EXOC4: variants seen among roughly 807,000 people sequenced by gnomAD.
EXOC4 encodes the protein exocyst complex component 4, also known as SEC8-like 1.
A neutral mutation model predicts 107.2 loss-of-function variants in EXOC4; 71 were observed. That is an observed-to-expected ratio of 0.66 (90% CI 0.55 to 0.81). EXOC4 has a LOEUF of 0.81. EXOC4 is among the 30% of genes least tolerant of loss of function. EXOC4 has a pLI of 0.00. For missense variants in EXOC4, 1,108 were observed against 1,189.6 expected (o/e 0.93, Z 1.01); for synonymous variants, 456 against 441.2 (o/e 1.03, Z -0.42).
chr7:133,700,698 A>G lies in EXOC4; in HGVS notation c.1514+70557A>G, dbSNP rs146052251. Among the ~76,000 whole-genome samples the G allele has an allele frequency of 6.6e-5, 10 of 152,302 alleles. 1 individual carries two copies. The East Asian group carries it at 1.7e-3, about 26-fold the overall frequency. On this transcript the variant is annotated intron_variant, in intron 10 of 17. Coordinates refer to ENST00000253861, the MANE Select transcript of EXOC4 (RefSeq NM_021807.4). ...CAAATTCATTTACTTTACTGGATTT[A>G]TGTTTTTATTAGCTGAAGGAGGTTG...
At chr7:133,646,179 A>G (rs1802987259) in intron 10 of EXOC4, among the ~76,000 whole-genome samples, 1 of 152,214 alleles carries the variant, frequency 6.6e-6, no homozygotes, top group Admixed American at 6.5e-5. Flanking sequence ...ACTGAACATC[A>G]CAAAGGCTGT....
chr7:133,270,024 A>G (rs1402965936), intron 1 of EXOC4, among the ~76,000 whole-genome samples: 1 of 152,146 alleles, frequency 6.6e-6, no homozygotes, highest in Non-Finnish European at 1.5e-5. Flanking sequence ...TCGTGGGAGC[A>G]ACTCAGTAGG....
At chr7:133,965,131 T>C (rs1280730001) in intron 14 of EXOC4, among the ~76,000 whole-genome samples, 2 of 152,262 alleles carry the variant, frequency 1.3e-5, no homozygotes. Flanking sequence ...ATGTCTTCTT[T>C]TGAGAAGTGT....
intron 9 of EXOC4, among the ~76,000 whole-genome samples, chr7:133,498,460 C>G (rs1391075505): frequency 6.6e-6 from 1 of 152,140 alleles, no homozygotes; most frequent in Non-Finnish European, 1.5e-5. Context: ...TGGCAGGCAC[C>G]TGTAGTCCCA....
At chr7:133,979,212 A>G (rs964811769) in intron 14 of EXOC4, among the ~76,000 whole-genome samples, 1 of 152,094 alleles carries the variant, frequency 6.6e-6, no homozygotes, top group Non-Finnish European at 1.5e-5. Flanking sequence ...CACAATTTCT[A>G]TCATTTGAGG....
At chr7:133,739,635 T>G (rs1304535584) in intron 10 of EXOC4, among the ~76,000 whole-genome samples, 1 of 152,174 alleles carries the variant, frequency 6.6e-6, no homozygotes, top group African/African-American at 2.4e-5. Context: ...AGCTGCTGAG[T>G]GTCTAAAACA....
chr7:133,843,368 C>T lies in EXOC4; in HGVS notation c.1734+25824C>T, dbSNP rs114364663. ...TTGTGCAGTGTTTTGTGACTTTCAT[C>T]GTAGAGATCCTTTACCTCCCTGGTT... On this transcript the variant is annotated intron_variant, in intron 11 of 17. Coordinates refer to ENST00000253861, the MANE Select transcript of EXOC4 (RefSeq NM_021807.4). Among the ~76,000 whole-genome samples the T allele has an allele frequency of 2.4e-3, 369 of 152,106 alleles. 5 individuals are homozygous for T. Among genetic ancestry groups the T allele is most frequent in the African/African-American group, 8.2e-3 (340 of 41,492 alleles).
Position 133,697,944 on chromosome 7 carries a change from G to A in EXOC4, c.1514+67803G>A, listed in dbSNP as rs530812722. ...ACCCAATGTCTGCTTACTCAGAAAG[G>A]ACTCAGAGGAGGCTGGCTCAAGTTT... is the stretch of plus-strand genomic sequence containing the variant. On this transcript the variant is annotated intron_variant, in intron 10 of 17. Coordinates refer to ENST00000253861, the MANE Select transcript of EXOC4 (RefSeq NM_021807.4). Among the ~76,000 whole-genome samples, 75 of 152,294 alleles carry A rather than the reference G, an allele frequency of 4.9e-4. 3 individuals are homozygous for A. The South Asian group carries it at 0.015, about 31-fold the overall frequency.
At chr7:133,732,428 C>A (rs1795347799) in intron 10 of EXOC4, 1 of 152,322 alleles carries the variant, frequency 6.6e-6, no homozygotes, top group Non-Finnish European at 1.5e-5. Flanking sequence ...ATGTAACCAA[C>A]CTGCACATTC....
chr7:133,775,957 T>A (rs2151167292), intron 10 of EXOC4, among the ~76,000 whole-genome samples: 1 of 152,322 alleles, frequency 6.6e-6, no homozygotes, highest in East Asian at 1.9e-4. Context: ...TAGAAGGAAT[T>A]GCATCTATCT....
At chr7:134,015,536 A>G (rs1287876292) in intron 17 of EXOC4, among the ~76,000 whole-genome samples, 3 of 152,178 alleles carry the variant, frequency 2.0e-5, no homozygotes. Context: ...GATTTGAGGA[A>G]GATAAAACTG....
chr7:133,799,771 G>A (rs1161709621), intron 10 of EXOC4, among the ~76,000 whole-genome samples: 1 of 152,176 alleles, frequency 6.6e-6, no homozygotes, highest in Non-Finnish European at 1.5e-5. Flanking sequence ...TATAGGGTGG[G>A]TAGTGAAGTA....
intron 11 of EXOC4, among the ~76,000 whole-genome samples, chr7:133,825,176 A>G (rs570577495): frequency 1.8e-4 from 28 of 151,432 alleles, no homozygotes; most frequent in Non-Finnish European, 2.9e-4. Context: ...ATAGCAAGCA[A>G]CTGTCTCTAA....
At chr7:133,872,210 T>A (rs1450855044) in intron 11 of EXOC4, among the ~76,000 whole-genome samples, 1 of 152,166 alleles carries the variant, frequency 6.6e-6, no homozygotes, top group Non-Finnish European at 1.5e-5. Flanking sequence ...AATATTAGCT[T>A]TTAGTATTTT....
chr7:133,763,964 A>G (rs1796085809), intron 10 of EXOC4, among the ~76,000 whole-genome samples: 1 of 152,084 alleles, frequency 6.6e-6, no homozygotes, highest in Non-Finnish European at 1.5e-5. Context: ...TTTTGTAGCC[A>G]TAAAAAATAA....
At chr7:133,382,959 G>A (rs550721976) in intron 7 of EXOC4, among the ~76,000 whole-genome samples, 17 of 152,298 alleles carry the variant, frequency 1.1e-4, no homozygotes, top group South Asian at 2.1e-4. Context: ...GTAACGGGGT[G>A]TTATAGTTTT....
chr7:133,406,172 G>A (rs1468564925), intron 7 of EXOC4, among the ~76,000 whole-genome samples: 2 of 152,116 alleles, frequency 1.3e-5, no homozygotes, highest in East Asian at 3.9e-4. Flanking sequence ...GAGACTGAGA[G>A]TAATTTGTAG....
At chr7:133,786,920 A>C (rs1796581157) in intron 10 of EXOC4, among the ~76,000 whole-genome samples, 1 of 152,258 alleles carries the variant, frequency 6.6e-6, no homozygotes, top group African/African-American at 2.4e-5. Context: ...TGTAGAAAAC[A>C]TAAGGAAGTT....
At chr7:133,434,746 G>A (rs565558930) in intron 7 of EXOC4, among the ~76,000 whole-genome samples, 3 of 152,250 alleles carry the variant, frequency 2.0e-5, no homozygotes, top group African/African-American at 7.2e-5. Flanking sequence ...CTGAAATGAG[G>A]TGCCTTTTAT....
Sources: allele counts gnomAD v4.1 joint callset (sites outside exome capture counted in the v4.1 genomes callset), GRCh38; gene constraint gnomAD v4.1.1; transcripts MANE v1.5; gene names NCBI Gene and HGNC (gene_info 2026-07-23, HGNC 2026-07-21).